Variants in ZNF577 observed in about 807,000 individuals in gnomAD.
ZNF577 encodes zinc finger protein 577.
Under a neutral mutation model 13.9 loss-of-function variants are expected in ZNF577, and 14 were observed. The ratio of observed to expected loss-of-function variants is 1.00; its 90% confidence interval spans 0.66 to 1.57. ZNF577 has a LOEUF of 1.57. Ranked by LOEUF, ZNF577 falls within the 40% of genes most tolerant of loss-of-function variation. The pLI is 0.00. For synonymous variants in ZNF577, 203 were observed against 202.9 expected (o/e 1.00, Z 0.00); for missense variants, 555 against 579.2 (o/e 0.96, Z 0.43).
chr19:51,830,707 C>T (rs531644974), intron 9 of ZNF577, among the ~76,000 whole-genome samples: 4 of 152,106 alleles, frequency 2.6e-5, no homozygotes, highest in Admixed American at 6.5e-5. Flanking sequence ...TTCTTCCTAC[C>T]TCAGTGATTT....
At chr19:51,819,651 AAGTCAATAT>A (rs1235056085) in intron 9 of ZNF577, among the ~76,000 whole-genome samples, 1 of 152,200 alleles carries the variant, frequency 6.6e-6, no homozygotes, top group Non-Finnish European at 1.5e-5. Flanking sequence ...CTAAGGACTA[AAGTCAATAT>A]AGAATGGATT....
chr19:51,815,287 T>A (rs944016929), intron 9 of ZNF577, among the ~76,000 whole-genome samples: 6 of 152,014 alleles, frequency 3.9e-5, no homozygotes, highest in Admixed American at 3.9e-4. Context: ...GTTGGCTGGG[T>A]GCAGTGGCTC....
intron 8 of ZNF577, chr19:51,841,023 A>G (rs1371637338): frequency 6.6e-6 from 1 of 152,150 alleles, no homozygotes; most frequent in Non-Finnish European, 1.5e-5. Flanking sequence ...CAAATTAGGA[A>G]ATTGTTAGTC....
chr19:51,834,541 G>A (rs984032850), intron 9 of ZNF577, among the ~76,000 whole-genome samples: 1 of 152,126 alleles, frequency 6.6e-6, no homozygotes, highest in Non-Finnish European at 1.5e-5. Context: ...ACTAGCAAAT[G>A]CCCAAATCTT....
downstream of ZNF577, among the ~76,000 whole-genome samples, chr19:51,865,176 A>G (rs1282135379): frequency 6.6e-6 from 1 of 152,104 alleles, no homozygotes; most frequent in Non-Finnish European, 1.5e-5. Context: ...AGCTCACTGC[A>G]ACCTTCGCCT....
intron 10 of ZNF577, among the ~76,000 whole-genome samples, chr19:51,807,868 T>G (rs2084070519): frequency 1.3e-5 from 2 of 152,340 alleles, no homozygotes; most frequent in African/African-American, 2.4e-5. Context: ...ATTTGTGACC[T>G]ATGCCTGCCC....
chr19:51,870,752 T>A lies in ZNF577; in HGVS notation c.*1780A>T, dbSNP rs2084646190. ...GGGCCACCTTGAATTCCTCAAACCC[T>A]AAACTCTGTCTCAATTCAGAGAGAT... On this transcript the variant is annotated 3_prime_UTR_variant, in exon 6 of 6. Coordinates refer to ENST00000638348, the MANE Select transcript of ZNF577 (RefSeq NM_001370449.1). Among the ~76,000 whole-genome samples the A allele has an allele frequency of 6.6e-6, 1 of 152,120 alleles. No individual in the cohort carries two copies. The highest frequency in any genetic ancestry group is 1.9e-4 in the East Asian group (1 of 5,174).
At chr19:51,853,220 A>G (rs772585197) in intron 5 of ZNF577, among the ~76,000 whole-genome samples, 4 of 152,206 alleles carry the variant, frequency 2.6e-5, no homozygotes, top group Non-Finnish European at 4.4e-5. Flanking sequence ...TACAGGCATG[A>G]GCCAGGTGAT....
chr19:51,820,860 C>T (rs936601269), intron 9 of ZNF577, among the ~76,000 whole-genome samples: 4 of 152,168 alleles, frequency 2.6e-5, no homozygotes, highest in African/African-American at 2.4e-5. Context: ...CAATATTCAC[C>T]GTGTCTCAAG....
rs1293059222 is a variant in ZNF577 at position 51,887,175 on chromosome 19, G to A, written c.-573C>T. On this transcript the variant is annotated 5_prime_UTR_variant, in exon 1 of 6. Transcript: ENST00000638348. ...AGATAGTCAAACAAATAAAAATATT[G>A]GGTTAATAGAAATCCATCACATGTT... The A allele has an allele frequency of 6.6e-6, 1 of 152,058 alleles. No homozygotes were observed. Among genetic ancestry groups the A allele is most frequent in the Non-Finnish European group, 1.5e-5 (1 of 68,006 alleles). The allele number at this position is 152,058 out of a possible 1,614,324, so 9.4% of individuals were successfully genotyped here.
At chr19:51,874,452 G>T (rs1220895032) in intron 5 of ZNF577, among the ~76,000 whole-genome samples, 1 of 151,010 alleles carries the variant, frequency 6.6e-6, no homozygotes, top group Admixed American at 6.6e-5. Flanking sequence ...AACAGCCAGT[G>T]TGAAAACCCA....
chr19:51,851,231 A>T (rs2084377328), intron 5 of ZNF577, among the ~76,000 whole-genome samples: 1 of 152,192 alleles, frequency 6.6e-6, no homozygotes. Flanking sequence ...CCATCTTATT[A>T]CTTCTTCAAA....
At chr19:51,843,659 A>G (rs747869545) in intron 6 of ZNF577, among the ~76,000 whole-genome samples, 10 of 152,180 alleles carry the variant, frequency 6.6e-5, no homozygotes, top group Non-Finnish European at 1.2e-4. Context: ...CCTTCCTTCA[A>G]GTGTTTCTGA....
intron 5 of ZNF577, among the ~76,000 whole-genome samples, chr19:51,846,727 A>G (rs950699878): frequency 2.6e-5 from 4 of 151,840 alleles, no homozygotes; most frequent in Non-Finnish European, 4.4e-5. Context: ...ACAAGAAGAG[A>G]ATTTGCATTC....
chr19:51,874,527 T>C, intron 5 of ZNF577, among the ~76,000 whole-genome samples: 1 of 151,578 alleles, frequency 6.6e-6, no homozygotes, highest in Non-Finnish European at 1.5e-5. Context: ...TTACCCGGAA[T>C]ATCCTGAGCT....
Position 51,872,859 on chromosome 19 carries a change from T to C in ZNF577, c.1131A>G (p.Ile377Met), listed in dbSNP as rs759010496. Residue 377 changes from isoleucine to methionine, a missense_variant, in exon 6 of 6, where the codon ATA becomes ATG. Coordinates refer to ENST00000638348, the MANE Select transcript of ZNF577 (RefSeq NM_001370449.1). ...SVLIKHEKTHIRETAINSLTV... is the reference protein window; with the variant it reads ...SVLIKHEKTHMRETAINSLTV... ...TCAGTGAATTTATGGCTGTCTCTCT[T>C]ATGTGAGTTTTCTCATGTTTAATGA... 1.9e-6 allele frequency: 3 copies of C among 1,614,230 alleles called. No individual in the cohort carries two copies. The East Asian group carries it at 6.7e-5, about 36-fold the overall frequency.
Position 51,868,110 on chromosome 19 carries a change from G to A in ZNF577, c.*4422C>T, listed in dbSNP as rs1413823765. ...TCTGTAAATCTGTGCACCAGCAGTT[G>A]TAGGTTTTTAAGTGTGTCAAATTTC... is the stretch of plus-strand genomic sequence containing the variant. On this transcript the variant is annotated 3_prime_UTR_variant, in exon 6 of 6. Coordinates refer to ENST00000638348, the MANE Select transcript of ZNF577 (RefSeq NM_001370449.1). Among the ~76,000 whole-genome samples the A allele has an allele frequency of 6.6e-6, 1 of 152,300 alleles. No homozygotes were observed. The highest frequency in any genetic ancestry group is 1.9e-4 in the East Asian group (1 of 5,184).
At chr19:51,879,759 G>A (rs984621118) in intron 3 of ZNF577, among the ~76,000 whole-genome samples, 5 of 152,124 alleles carry the variant, frequency 3.3e-5, no homozygotes, top group South Asian at 2.1e-4. Flanking sequence ...GAAAAAGGGT[G>A]AAAGGAGATA....
chr19:51,823,510 T>C (rs1470670477), intron 9 of ZNF577, among the ~76,000 whole-genome samples: 2 of 152,182 alleles, frequency 1.3e-5, no homozygotes, highest in African/African-American at 2.4e-5. Flanking sequence ...TTTAATCCTC[T>C]TGGTAATCAG....
Sources: gnomAD v4.1 joint callset for allele counts (sites outside exome capture counted in the v4.1 genomes callset) on GRCh38, gnomAD v4.1.1 for gene constraint, MANE v1.5 for transcripts, NCBI Gene and HGNC (gene_info 2026-07-23, HGNC 2026-07-21) for gene names.